The following PUDP variants were observed in gnomAD, a reference collection of about 807,000 sequenced individuals.
PUDP encodes pseudouridine 5'-phosphatase, also known as pseudouridine-5'-phosphatase.
A neutral mutation model predicts 9.4 loss-of-function variants in PUDP; 8 were observed. The ratio of observed to expected loss-of-function variants is 0.85; its 90% CI spans 0.50 to 1.53. PUDP has a LOEUF of 1.53. Ranked by LOEUF, PUDP falls within the 40% of genes most tolerant of loss-of-function variation. PUDP has a pLI of 0.00. For synonymous variants in PUDP, 99 were observed against 80.7 expected (o/e 1.23, Z -1.22); for missense variants, 188 against 189.7 (o/e 0.99, Z 0.05).
At chrX:6,730,667 C>T (rs755183239) in intron 3 of PUDP, among the ~76,000 whole-genome samples, 3 of 112,012 alleles carry the variant, frequency 2.7e-5, no homozygotes, top group African/African-American at 3.2e-5. Context: ...GAGGGGGTGA[C>T]CTTTCTGCTG....
intron 1 of PUDP, among the ~76,000 whole-genome samples, chrX:7,003,803 A>G (rs1265780343): frequency 8.9e-6 from 1 of 111,763 alleles, no homozygotes; most frequent in East Asian, 2.8e-4. Flanking sequence ...AATATCCACA[A>G]TTTTGATAGT....
chrX:6,977,791 C>A (rs1419003538), intron 2 of PUDP, among the ~76,000 whole-genome samples: 3 of 112,567 alleles, frequency 2.7e-5, no homozygotes, highest in Non-Finnish European at 5.6e-5. Context: ...GAAGCTCCGC[C>A]ATGGCAGAGA....
At chrX:7,127,778 C>T (rs1174552606) in intron 1 of PUDP, among the ~76,000 whole-genome samples, 1 of 112,197 alleles carries the variant, frequency 8.9e-6, no homozygotes, top group Non-Finnish European at 1.9e-5. Context: ...TTTACATTTG[C>T]AATTTAAGGC....
At chrX:6,892,756 C>A (rs112428468) in intron 3 of PUDP, among the ~76,000 whole-genome samples, 143 of 111,375 alleles carry the variant, frequency 1.3e-3, no homozygotes, top group Non-Finnish European at 2.2e-3. Context: ...GACTCTAATT[C>A]TATAGGACTA....
chrX:6,983,129 C>A (rs1234652264), intron 1 of PUDP, among the ~76,000 whole-genome samples: 2 of 111,796 alleles, frequency 1.8e-5, no homozygotes, highest in Non-Finnish European at 3.8e-5. Context: ...GCTGCCTAGA[C>A]ATAGGCGATT....
intron 3 of PUDP, among the ~76,000 whole-genome samples, chrX:6,893,538 TA>T (rs2146747360): frequency 9.0e-6 from 1 of 111,622 alleles, no homozygotes. Flanking sequence ...GCCAGGGAAA[TA>T]AAAAGTACTT....
rs1475470685 is a variant in PUDP, at chrX:7,077,213, C to T, written c.510+7G>A. The T allele has an allele frequency of 8.5e-7, 1 of 1,181,956 alleles. No homozygotes were observed. Among genetic ancestry groups the T allele is most frequent in the Non-Finnish European group, 1.1e-6 (1 of 881,160 alleles). The stretch of plus-strand genomic sequence containing the variant: ...GAACACGGCCCGTGTCACCGGCACC[C>T]ACTTACCTTCTCCATAGCAGGAGGG... On this transcript the variant is annotated splice_region_variant and intron_variant, in intron 3 of 3. Coordinates refer to ENST00000381077, the MANE Select transcript of PUDP (RefSeq NM_012080.5).
At chrX:7,047,838 CATT>C (rs1337896168), downstream of PUDP, among the ~76,000 whole-genome samples, 1 of 112,152 alleles carries the variant, frequency 8.9e-6, no homozygotes, top group Non-Finnish European at 1.9e-5. Flanking sequence ...CATTATTTTT[CATT>C]ATAAAACTTG....
chrX:7,027,678 C>T (rs1397593608), intron 1 of PUDP, among the ~76,000 whole-genome samples: 1 of 95,636 alleles, frequency 1.0e-5, no homozygotes, highest in Non-Finnish European at 2.0e-5. Context: ...AGAATATATC[C>T]TATATATTTA....
chrX:6,852,069 T>A (rs910916437), intron 3 of PUDP, among the ~76,000 whole-genome samples: 6 of 112,225 alleles, frequency 5.3e-5, no homozygotes, highest in African/African-American at 1.9e-4. Context: ...GCTGAGGAAT[T>A]CATGCAGAAG....
chrX:6,869,417 C>T (rs1260314505), intron 3 of PUDP, among the ~76,000 whole-genome samples: 2 of 111,507 alleles, frequency 1.8e-5, no homozygotes, highest in African/African-American at 6.5e-5. Flanking sequence ...CTTTCTTGCG[C>T]CTGGGCTGGC....
At chrX:6,831,101 T>C (rs1926497081) in intron 3 of PUDP, among the ~76,000 whole-genome samples, 1 of 111,332 alleles carries the variant, frequency 9.0e-6, no homozygotes, top group African/African-American at 3.3e-5. Flanking sequence ...GCTGTCTTCT[T>C]GTGCTGAGTC....
intron 1 of PUDP, among the ~76,000 whole-genome samples, chrX:7,027,917 CTATA>C (rs1188150400): frequency 2.0e-5 from 2 of 97,853 alleles, no homozygotes; most frequent in East Asian, 6.3e-4. Context: ...CTATATTTTT[CTATA>C]TAGTTTATAT....
At chrX:6,730,568 A>C (rs1924797353) in intron 3 of PUDP, among the ~76,000 whole-genome samples, 1 of 112,262 alleles carries the variant, frequency 8.9e-6, no homozygotes, top group African/African-American at 3.2e-5. Context: ...AGCGAGACCC[A>C]CAAGTCAATA....
At chrX:6,816,500 A>G (rs1044906615) in intron 3 of PUDP, among the ~76,000 whole-genome samples, 1 of 102,640 alleles carries the variant, frequency 9.7e-6, no homozygotes, top group African/African-American at 3.5e-5. Context: ...TACTATATTT[A>G]TACATCTATA....
intron 3 of PUDP, among the ~76,000 whole-genome samples, chrX:6,786,874 T>C (rs111996884): frequency 0.021 from 2,327 of 111,610 alleles, 56 homozygotes; most frequent in African/African-American, 0.069. Flanking sequence ...TCAAAACCCA[T>C]GTTTATTTGT....
In PUDP at chrX:6,909,256, T is replaced by G. The variant is rs759599465; in HGVS notation, c.*247+67877A>C. 2.7e-5 allele frequency among the ~76,000 whole-genome samples: 3 copies of G among 112,032 alleles called. No individual in the cohort carries two copies. The South Asian group carries it at 1.1e-3, about 42-fold the overall frequency. The stretch of plus-strand genomic sequence containing the variant: ...ATAGTTTGAAGCTTGTAATATGGTA[T>G]TAAAAAAAAGAACAAAGCTGAAACA... On this transcript the variant is annotated intron_variant and NMD_transcript_variant, in intron 3 of 3. Coordinates refer to the PUDP transcript ENST00000655425.
intron 3 of PUDP, among the ~76,000 whole-genome samples, chrX:6,940,421 G>A (rs1178399426): frequency 8.9e-6 from 1 of 112,440 alleles, no homozygotes; most frequent in East Asian, 2.8e-4. Flanking sequence ...AGGTGTTGAT[G>A]GGAATCAGCA....
intron 3 of PUDP, among the ~76,000 whole-genome samples, chrX:6,951,244 C>T (rs868134574): frequency 1.5e-5 from 1 of 68,065 alleles, no homozygotes; most frequent in African/African-American, 4.5e-5. Context: ...ATCCATCCAT[C>T]ATATCTATCT....
Sources: allele counts gnomAD v4.1 joint callset (sites outside exome capture counted in the v4.1 genomes callset), GRCh38; gene constraint gnomAD v4.1.1; transcripts MANE v1.5; gene names NCBI Gene and HGNC (gene_info 2026-07-23, HGNC 2026-07-21).